Variants in MYOF observed in about 807,000 individuals in gnomAD.
MYOF encodes myoferlin, also known as fer-1-like 3, myoferlin.
Under a neutral mutation model 284.2 loss-of-function variants are expected in MYOF, and 244 were observed. The ratio of observed to expected loss-of-function variants is 0.86; its 90% CI spans 0.77 to 0.95. The LOEUF (loss-of-function observed/expected upper bound fraction) is 0.95. Ranked by LOEUF, MYOF falls within the 40% of genes least tolerant of loss-of-function variation. MYOF has a pLI of 0.00. For synonymous variants in MYOF, 904 were observed against 919.7 expected (o/e 0.98, Z 0.31); for missense variants, 2,496 against 2,560.6 (o/e 0.97, Z 0.54).
intron 40 of MYOF, among the ~76,000 whole-genome samples, chr10:93,336,898 AGAG>A (rs1045115863): frequency 3.7e-5 from 4 of 108,142 alleles, no homozygotes; most frequent in African/African-American, 1.1e-4. Context: ...AAGGAAGGAA[AGAG>A]AAGAAAGGAA....
chr10:93,366,311 T>C, intron 26 of MYOF, 81 bp downstream of exon 26: 2 of 1,414,466 alleles, frequency 1.4e-6, no homozygotes, highest in Non-Finnish European at 2.0e-6. Flanking sequence ...ATCAAGATGA[T>C]GACGGAGATA....
chr10:93,457,819 T>G (rs1280090909), intron 1 of MYOF, among the ~76,000 whole-genome samples: 4 of 151,166 alleles, frequency 2.6e-5, no homozygotes, highest in African/African-American at 9.7e-5. Context: ...CTGCAACCTC[T>G]GCCTCCCAGC....
intron 7 of MYOF, 22 bp from the exon 8 acceptor site, chr10:93,404,241 T>A (rs1212553573): frequency 2.5e-6 from 4 of 1,612,434 alleles, no homozygotes; most frequent in Non-Finnish European, 3.4e-6. Flanking sequence ...ATAGAGCAGA[T>A]GTTTAAATGT....
intron 5 of MYOF, among the ~76,000 whole-genome samples, chr10:93,416,395 G>C (rs1297190417): frequency 6.6e-6 from 1 of 151,782 alleles, no homozygotes; most frequent in African/African-American, 2.4e-5. Context: ...GTGGTGGCAG[G>C]CGCCTGTAAT....
chr10:93,455,064 T>A (rs1292343166), intron 2 of MYOF, among the ~76,000 whole-genome samples: 1 of 136,478 alleles, frequency 7.3e-6, no homozygotes, highest in African/African-American at 2.8e-5. Flanking sequence ...GGGTGCTGGG[T>A]GGATCACCTG....
chr10:93,444,102 T>G (rs543348435), intron 3 of MYOF, among the ~76,000 whole-genome samples: 1 of 152,328 alleles, frequency 6.6e-6, no homozygotes, highest in African/African-American at 2.4e-5. Context: ...TAAACCCAAG[T>G]TGGAACTAGG....
intron 25 of MYOF, among the ~76,000 whole-genome samples, chr10:93,367,932 CACACAGA>C (rs1845402353): frequency 6.6e-6 from 1 of 151,988 alleles, no homozygotes; most frequent in South Asian, 2.1e-4. Context: ...ACAGGTGAGT[CACACAGA>C]ACAACAGAAA....
At chr10:93,458,665 G>C (rs543212466) in intron 1 of MYOF, among the ~76,000 whole-genome samples, 1 of 152,180 alleles carries the variant, frequency 6.6e-6, no homozygotes, top group Non-Finnish European at 1.5e-5. Flanking sequence ...AGGAGGCAGA[G>C]GTTGCAGTAA....
Position 93,374,826 on chromosome 10 carries a change from A to G in MYOF, c.2238T>C (p.Asp746=). 6.2e-7 allele frequency: 1 copy of G among 1,614,172 alleles called. No homozygotes were observed. The highest frequency in any genetic ancestry group is 8.5e-7 in the Non-Finnish European group (1 of 1,180,026). ...CAATTTCTGCCAGTGTGGACTTCAC[A>G]TCTGTGGCTTCCGACCTCATCCTCA... ...AAVRMRSEAT[D]VKSTLAEIED... Residue 746 remains aspartate (D), a synonymous_variant, in exon 23 of 54, where the codon GAT becomes GAC. Coordinates refer to ENST00000359263, the MANE Select transcript of MYOF (RefSeq NM_013451.4).
At chr10:93,403,530 T>C (rs1215186617) in intron 9 of MYOF, among the ~76,000 whole-genome samples, 1 of 152,194 alleles carries the variant, frequency 6.6e-6, no homozygotes, top group Non-Finnish European at 1.5e-5. Context: ...TGCTCCTTTC[T>C]TGGAGAGGCA....
In MYOF at chr10:93,356,809, C is replaced by G. The variant is rs1844827186; in HGVS notation, c.3160G>C (p.Ala1054Pro). ...ELQDQEGWEY[A>P]SLIGWKFHWK... ...TGAAATTTCCAGCCAATTAGAGAAG[C>G]ATATTCCCAGCCCTCTTGGTCTTGC... The change falls in exon 30 of 54, where the codon GCT becomes CCT. Residue 1054 changes from alanine to proline, a missense_variant. Physicochemically the swap from Ala to Pro is conservative, Grantham distance 27. Around this residue, in one of 3 missense-constraint regions of MYOF, gnomAD observed 2,436 missense variants for 2,480.7 expected, o/e 0.98. Coordinates refer to ENST00000359263, the MANE Select transcript of MYOF (RefSeq NM_013451.4). The G allele has an allele frequency of 6.2e-7, 1 of 1,614,030 alleles. No individual in the cohort carries two copies. Among genetic ancestry groups the G allele is most frequent in the Non-Finnish European group, 8.5e-7 (1 of 1,180,002 alleles).
chr10:93,382,162 TAG>T (rs1490449321), intron 19 of MYOF, among the ~76,000 whole-genome samples: 1 of 152,224 alleles, frequency 6.6e-6, no homozygotes, highest in African/African-American at 2.4e-5. Context: ...TTGAAGAAGG[TAG>T]AGAGATTATG....
intron 21 of MYOF, 138 bp downstream of exon 21, chr10:93,379,725 A>T: frequency 1.1e-5 from 12 of 1,083,436 alleles, no homozygotes; most frequent in Non-Finnish European, 1.5e-5. Context: ...ATCTACCTCC[A>T]CTGTTCCTAG....
chr10:93,477,552 A>G (rs1320959577), intron 1 of MYOF, among the ~76,000 whole-genome samples: 1 of 151,178 alleles, frequency 6.6e-6, no homozygotes, highest in East Asian at 2.0e-4. Context: ...GTGCTTTTGA[A>G]ATGTGCATAT....
intron 10 of MYOF, 97 bp from the exon 11 acceptor site, chr10:93,402,444 A>C: frequency 1.0e-6 from 1 of 994,172 alleles, no homozygotes; most frequent in Non-Finnish European, 1.6e-6. Flanking sequence ...TTTTCTTGGA[A>C]GCCTCTTCAC....
chr10:93,419,948 A>G (rs1315961676), intron 5 of MYOF, among the ~76,000 whole-genome samples: 3 of 152,160 alleles, frequency 2.0e-5, no homozygotes, highest in African/African-American at 7.2e-5. Context: ...CTTGGTCAAC[A>G]TGGTGAAACC....
At chr10:93,341,987 T>G (rs1843941080) in intron 38 of MYOF, 7 of 1,289,108 alleles carry the variant, frequency 5.4e-6, no homozygotes, top group Admixed American at 2.3e-5. Context: ...TGGAAGGTAA[T>G]TGTTGAGATG....
At chr10:93,482,035 T>C in intron 1 of MYOF, 72 bp downstream of exon 1, 1 of 1,434,782 alleles carries the variant, frequency 7.0e-7, no homozygotes, top group South Asian at 1.2e-5. Context: ...AATGCAGACT[T>C]TTCAAGAAGG....
At chr10:93,359,727 G>A in intron 29 of MYOF, 106 bp downstream of exon 29, 6 of 1,459,182 alleles carry the variant, frequency 4.1e-6, no homozygotes, top group Non-Finnish European at 5.6e-6. Context: ...GGAGTGTTAG[G>A]CTCTGGATTT....
Sources: allele counts gnomAD v4.1 joint callset (sites outside exome capture counted in the v4.1 genomes callset), GRCh38; gene constraint gnomAD v4.1.1; regional missense constraint gnomAD v4.1.1; transcripts MANE v1.5; gene names NCBI Gene and HGNC (gene_info 2026-07-23, HGNC 2026-07-21).